DSCAML1: variants seen among roughly 807,000 people sequenced by gnomAD.
DSCAML1 encodes the protein DS cell adhesion molecule like 1, also known as cell adhesion molecule DSCAML1.
Under a neutral mutation model 200.5 loss-of-function variants are expected in DSCAML1, and 38 were observed. The observed-to-expected ratio is 0.19, with a 90% CI of 0.15 to 0.25. The LOEUF is 0.25. DSCAML1 is among the 10% of genes least tolerant of loss of function. DSCAML1 has a pLI of 1.00. For synonymous variants in DSCAML1, 1,215 were observed against 1,165.0 expected, an observed-to-expected ratio of 1.04 and a Z score of -0.87; for missense variants, 2,223 against 2,858.8, an observed-to-expected ratio of 0.78 and a Z score of 5.07.
chr11:117,806,031 C>T (rs2055704820), intron 1 of DSCAML1, among the ~76,000 whole-genome samples: 1 of 152,212 alleles, frequency 6.6e-6, no homozygotes, highest in South Asian at 2.1e-4. Flanking sequence ...TGGTGTTTAC[C>T]TCCCTCCTAG....
At chr11:117,646,841 TAGAG>T (rs35144550) in intron 3 of DSCAML1, among the ~76,000 whole-genome samples, 1 of 146,842 alleles carries the variant, frequency 6.8e-6, no homozygotes, top group South Asian at 2.2e-4. Flanking sequence ...AGAGGTCTCC[TAGAG>T]AGAGAGAGGA....
Position 117,763,166 on chromosome 11 carries a change from G to T in DSCAML1, c.511+13625C>A, listed in dbSNP as rs545514516. 7.9e-5 allele frequency among the ~76,000 whole-genome samples: 12 copies of T among 152,170 alleles called. No homozygotes were observed. The East Asian group carries it at 2.3e-3, about 30-fold the overall frequency. On this transcript the variant is annotated intron_variant, in intron 3 of 32. Transcript: ENST00000651296. ...TGGGGTATGTGACGGAGGCAGCTCT[G>T]GTCCCACCCACCTGAAGGATGCCCA...
intron 1 of DSCAML1, among the ~76,000 whole-genome samples, chr11:117,786,638 G>A (rs1011790442): frequency 6.6e-6 from 1 of 152,134 alleles, no homozygotes; most frequent in Non-Finnish European, 1.5e-5. Flanking sequence ...GGCTGACTGA[G>A]GTTGCTCTGA....
At chr11:117,601,926 G>A (rs567838820) in intron 3 of DSCAML1, among the ~76,000 whole-genome samples, 1 of 152,338 alleles carries the variant, frequency 6.6e-6, no homozygotes, top group African/African-American at 2.4e-5. Flanking sequence ...CTGGGTTTAG[G>A]TCTATTGTGA....
intron 19 of DSCAML1, among the ~76,000 whole-genome samples, chr11:117,456,971 G>A (rs762136665): frequency 1.1e-4 from 16 of 152,228 alleles, no homozygotes; most frequent in Middle Eastern, 3.4e-3. Flanking sequence ...CACTGCATCC[G>A]GCCTGAAGCA....
chr11:117,436,733 A>C (rs1565675905), intron 26 of DSCAML1, among the ~76,000 whole-genome samples: 1 of 152,118 alleles, frequency 6.6e-6, no homozygotes, highest in Non-Finnish European at 1.5e-5. Flanking sequence ...ACTGCAGCAT[A>C]GGCTGTCCCC....
chr11:117,664,520 C>G (rs1325712837), intron 3 of DSCAML1, among the ~76,000 whole-genome samples: 1 of 152,150 alleles, frequency 6.6e-6, no homozygotes, highest in Non-Finnish European at 1.5e-5. Flanking sequence ...CAGCTCCTAC[C>G]TTACATTGCT....
At chr11:117,667,829 T>C (rs1171985202) in intron 3 of DSCAML1, among the ~76,000 whole-genome samples, 1 of 152,192 alleles carries the variant, frequency 6.6e-6, no homozygotes, top group East Asian at 1.9e-4. Flanking sequence ...CTTTTTCCTG[T>C]CCCATGAGCC....
intron 1 of DSCAML1, among the ~76,000 whole-genome samples, chr11:117,816,474 C>A (rs1340292855): frequency 6.6e-6 from 1 of 152,358 alleles, no homozygotes; most frequent in South Asian, 2.1e-4. Context: ...CACAGATTAC[C>A]CGCCCCAGAG....
chr11:117,664,167 G>A (rs1435488684), intron 3 of DSCAML1, among the ~76,000 whole-genome samples: 7 of 152,222 alleles, frequency 4.6e-5, no homozygotes, highest in South Asian at 4.1e-4. Flanking sequence ...TGGTGGCAGC[G>A]TTTCAGACAA....
chr11:117,732,106 T>C (rs957450538), intron 3 of DSCAML1, among the ~76,000 whole-genome samples: 1 of 152,104 alleles, frequency 6.6e-6, no homozygotes, highest in Admixed American at 6.5e-5. Context: ...CCCAGGGACA[T>C]TTGCATGTAA....
intron 16 of DSCAML1, among the ~76,000 whole-genome samples, chr11:117,468,991 A>G (rs1244026750): frequency 6.6e-6 from 1 of 152,194 alleles, no homozygotes; most frequent in Non-Finnish European, 1.5e-5. Context: ...GGAAAGCTCC[A>G]GGAAGAACAC....
At chr11:117,449,121 T>C (rs1470437207) in intron 20 of DSCAML1, among the ~76,000 whole-genome samples, 3 of 152,160 alleles carry the variant, frequency 2.0e-5, no homozygotes, top group African/African-American at 4.8e-5. Flanking sequence ...GGACAAATGG[T>C]ATGATTCCAT....
At chr11:117,510,092 A>C (rs1419745879) in intron 8 of DSCAML1, among the ~76,000 whole-genome samples, 1 of 152,196 alleles carries the variant, frequency 6.6e-6, no homozygotes, top group African/African-American at 2.4e-5. Context: ...GTCACCATAA[A>C]GCTTTTATGG....
intron 3 of DSCAML1, among the ~76,000 whole-genome samples, chr11:117,721,364 A>C (rs900625489): frequency 2.0e-5 from 3 of 152,048 alleles, no homozygotes; most frequent in African/African-American, 7.2e-5. Context: ...CCCTGTTCAT[A>C]TGTCACTCTC....
At chr11:117,616,720 A>G (rs1406453076) in intron 3 of DSCAML1, among the ~76,000 whole-genome samples, 1 of 152,252 alleles carries the variant, frequency 6.6e-6, no homozygotes, top group Non-Finnish European at 1.5e-5. Context: ...TTCTTGAGCT[A>G]AGTGACAATT....
intron 1 of DSCAML1, among the ~76,000 whole-genome samples, chr11:117,782,360 C>T (rs866494865): frequency 2.0e-5 from 3 of 152,226 alleles, no homozygotes; most frequent in Non-Finnish European, 4.4e-5. Context: ...CTTCTTGCTG[C>T]GGTGTCAGGA....
Position 117,428,611 on chromosome 11 carries a change from G to T in DSCAML1, c.5879C>A (p.Ala1960Asp), listed in dbSNP as rs546069251. The part of the protein sequence containing the change: ...SKSLGLPHPG[A>D]PAAASTATLP... ...GGTGGCTGTGGAGGCGGCAGCGGGG[G>T]CCCCTGGGTGGGGAAGGCCCAAGGA... Residue 1960 changes from alanine to aspartate, a missense_variant, in exon 33 of 33, where the codon GCC (alanine) becomes GAC (aspartate). Ala to Asp is a moderately radical substitution (Grantham distance 126). This residue lies in a region of DSCAML1 where 280 missense variants were observed against 213.4 expected (regional missense o/e 1.31). Coordinates refer to ENST00000651296, the MANE Select transcript of DSCAML1 (RefSeq NM_020693.4). 2.2e-5 allele frequency: 36 copies of T among 1,607,112 alleles called. No homozygotes were observed. Among genetic ancestry groups the T allele is most frequent in the Non-Finnish European group, 2.3e-5 (27 of 1,177,254 alleles).
intron 16 of DSCAML1, among the ~76,000 whole-genome samples, chr11:117,467,197 C>CA (rs2048599159): frequency 8.1e-6 from 1 of 123,230 alleles, no homozygotes; most frequent in Admixed American, 8.1e-5. Context: ...ACACACACCT[C>CA]CCCCCTCCCC....
Sources: gnomAD v4.1 joint callset for allele counts (sites outside exome capture counted in the v4.1 genomes callset) on GRCh38, gnomAD v4.1.1 for gene constraint, gnomAD v4.1.1 regional missense constraint, MANE v1.5 for transcripts, NCBI Gene and HGNC (gene_info 2026-07-23, HGNC 2026-07-21) for gene names.